Variants in VWA5B1 observed in about 807,000 individuals in gnomAD.
VWA5B1 encodes von Willebrand factor A domain containing 5B1.
In VWA5B1, 115 loss-of-function variants were observed where a neutral mutation model predicts 118.2. The ratio of observed to expected loss-of-function variants is 0.97; its 90% CI spans 0.84 to 1.14. The LOEUF (loss-of-function observed/expected upper bound fraction) is 1.14, where lower values mean the gene tolerates loss of function less well. Among genes scored for constraint, VWA5B1 ranks in the 50% most tolerant of loss-of-function variants. The pLI is 0.00. For synonymous variants in VWA5B1, 682 were observed against 658.4 expected (o/e 1.04, Z -0.55); for missense variants, 1,596 against 1,603.8 (o/e 1.00, Z 0.08).
chr1:20,311,334 A>G (rs927022938), intron 2 of VWA5B1, among the ~76,000 whole-genome samples: 1 of 152,204 alleles, frequency 6.6e-6, no homozygotes, highest in African/African-American at 2.4e-5. Flanking sequence ...CACTTTCTCC[A>G]GGGAGCCTCA....
chr1:20,330,620 G>T (rs1207327420), intron 10 of VWA5B1, among the ~76,000 whole-genome samples: 3 of 152,252 alleles, frequency 2.0e-5, no homozygotes, highest in Non-Finnish European at 4.4e-5. Context: ...CCCAGGGAGA[G>T]GTCCCACAGC....
At chr1:20,298,867 T>C (rs960753109) in intron 1 of VWA5B1, among the ~76,000 whole-genome samples, 1 of 152,116 alleles carries the variant, frequency 6.6e-6, no homozygotes, top group African/African-American at 2.4e-5. Context: ...GCTTTTCTCT[T>C]GCTTCTGTGG....
chr1:20,314,679 G>A, intron 4 of VWA5B1, 87 bp downstream of exon 4: 1 of 1,487,544 alleles, frequency 6.7e-7, no homozygotes, highest in Non-Finnish European at 9.0e-7. Context: ...CAGGGTGGGG[G>A]GAGACAGGGA....
rs1321160143 is a variant in VWA5B1 at position 20,336,566 on chromosome 1, T to C, written c.1942+80T>C. ...AAGCACTTGGTAAAAACCACCTCAT[T>C]GAATAGTTAGCAGCTGCAGAGGTGG... On this transcript the variant is annotated intron_variant, in intron 13 of 21. Transcript: ENST00000289815. 3.1e-6 allele frequency: 4 copies of C among 1,276,232 alleles called. No homozygotes were observed. The African/African-American group carries it at 4.6e-5, about 15-fold the overall frequency. The allele number at this position is 1,276,232 out of a possible 1,614,324, so 79.1% of individuals were successfully genotyped here.
chr1:20,296,566 A>T (rs1052603334), intron 1 of VWA5B1, among the ~76,000 whole-genome samples: 2 of 152,232 alleles, frequency 1.3e-5, no homozygotes, highest in Non-Finnish European at 2.9e-5. Context: ...TGACCTTTTT[A>T]AAAATGTCAT....
intron 21 of VWA5B1, among the ~76,000 whole-genome samples, 190 bp downstream of exon 21, chr1:20,352,362 G>C (rs72982085): frequency 0.036 from 5,479 of 152,212 alleles, 328 homozygotes; most frequent in African/African-American, 0.12. Flanking sequence ...GAGGGAGTTT[G>C]CATGAATCTC....
chr1:20,350,717 C>CA, intron 19 of VWA5B1, 140 bp from the exon 20 acceptor site: 1 of 771,906 alleles, frequency 1.3e-6, no homozygotes, highest in East Asian at 2.7e-5. Flanking sequence ...AGGAGCTCCA[C>CA]AGCCTAATGG....
rs1397538289 is a variant in VWA5B1, at chr1:20,330,721, T to C, written c.1458-148T>C. 5 of 801,236 alleles carry C rather than the reference T, an allele frequency of 6.2e-6. No homozygotes were observed. The Admixed American group carries it at 6.3e-5, about 10-fold the overall frequency. The allele number at this position is 801,236 out of a possible 1,614,324, so 49.6% of individuals were successfully genotyped here. A position where few individuals can be genotyped will look rare whatever the true frequency, so the allele number is the denominator to read the frequency against. On this transcript the variant is annotated intron_variant, in intron 10 of 21. Coordinates refer to ENST00000289815, the MANE Select transcript of VWA5B1 (RefSeq NM_001039500.3). ...TGGGTGTGTATGTGGGTACCCCCGA[T>C]GGCCCCTCTTCCTTCTCCCTCTCCC...
rs772277125 is a variant in VWA5B1, at chr1:20,310,649, C to T, written c.48C>T (p.Thr16=). Residue 16 remains threonine, a synonymous_variant, in exon 2 of 22, where the codon ACC becomes ACT. Transcript: ENST00000289815. ...NWITGAALPL[T]ASDVTSCVSG... ...TCACGGGGGCAGCCCTGCCCCTCAC[C>T]GCGTCTGATGTTACCTCCTGTGTCA... The T allele has an allele frequency of 1.9e-5, 29 of 1,550,538 alleles. No individual in the cohort carries two copies. The highest frequency in any genetic ancestry group is 6.8e-5 in the African/African-American group (5 of 73,014).
chr1:20,351,408 C>T (rs1002689276), intron 20 of VWA5B1, among the ~76,000 whole-genome samples: 2 of 152,030 alleles, frequency 1.3e-5, no homozygotes, highest in Non-Finnish European at 2.9e-5. Context: ...AATCCCAGCA[C>T]TTTGGGAGGC....
chr1:20,307,457 T>C (rs1205364706), intron 1 of VWA5B1, among the ~76,000 whole-genome samples: 1 of 152,182 alleles, frequency 6.6e-6, no homozygotes, highest in African/African-American at 2.4e-5. Context: ...CAAACCCACA[T>C]CCAAAGCCAG....
rs1323728742 is a variant in VWA5B1 at position 20,353,906 on chromosome 1, G to A, written c.3291G>A (p.Pro1097=). The A allele has an allele frequency of 1.7e-5, 27 of 1,548,546 alleles. No homozygotes were observed. Among genetic ancestry groups the A allele is most frequent in the African/African-American group, 1.1e-4 (8 of 73,002 alleles). The change falls in exon 22 of 22, where the codon CCG becomes CCA. Residue 1097 remains proline, a synonymous_variant. Coordinates refer to ENST00000289815, the MANE Select transcript of VWA5B1 (RefSeq NM_001039500.3). ...CCCGCCCGTCTGAGTCCAAGACCCC[G>A]AGTCCCCAGCTGTGCACCAGCTCCC... The part of the protein sequence containing the change: ...LTTRPSESKT[P]SPQLCTSSPP...
rs374389057 is a variant in VWA5B1 at position 20,330,822 on chromosome 1, T to C, written c.1458-47T>C. The C allele has an allele frequency of 1.5e-4, 230 of 1,516,178 alleles. No individual in the cohort carries two copies. In the African/African-American group the frequency reaches 3.0e-3, roughly 20 times the overall value. The allele number at this position is 1,516,178 out of a possible 1,614,324, so 93.9% of individuals were successfully genotyped here. On this transcript the variant is annotated intron_variant, in intron 10 of 21. Transcript: ENST00000289815. ...CCCTTTCTGCATCAGGAGGCAAAGA[T>C]GCAGAGAGGATAAGACATAGCAGCC...
At chr1:20,318,534 C>A (rs1262390266) in intron 5 of VWA5B1, 56 bp from the exon 6 acceptor site, 25 of 1,547,336 alleles carry the variant, frequency 1.6e-5, no homozygotes, top group Non-Finnish European at 2.1e-5. Context: ...CCAGCGAACT[C>A]CTCTCTCTCC....
At position 20,358,586 on chromosome 1, in the gene VWA5B1, C is replaced by T. The variant is rs1289786872; in HGVS notation, c.*4323C>T. The stretch of plus-strand genomic sequence containing the variant: ...TCAGGGGTCCAAATGCCCAAATGCA[C>T]ATCTCTCTATGTGCCCATTATAACA... On this transcript the variant is annotated 3_prime_UTR_variant, in exon 22 of 22. Transcript: ENST00000289815. Among the ~76,000 whole-genome samples the T allele has an allele frequency of 6.6e-6, 1 of 152,180 alleles. No individual in the cohort carries two copies. Among genetic ancestry groups the T allele is most frequent in the Non-Finnish European group, 1.5e-5 (1 of 68,022 alleles).
chr1:20,294,548 C>T (rs993113209), intron 1 of VWA5B1, among the ~76,000 whole-genome samples: 11 of 152,290 alleles, frequency 7.2e-5, no homozygotes, highest in Admixed American at 5.9e-4. Context: ...GGCATAATCT[C>T]GGCTCACCGC....
intron 8 of VWA5B1, among the ~76,000 whole-genome samples, chr1:20,326,063 A>T (rs1237830968): frequency 6.6e-6 from 1 of 152,256 alleles, no homozygotes; most frequent in African/African-American, 2.4e-5. Context: ...GACAATCTGT[A>T]TGGATCAGCA....
At position 20,342,569 on chromosome 1, in the gene VWA5B1, G is replaced by T; in HGVS notation, c.2271G>T (p.Val757=). The change falls in exon 15 of 22, where the codon GTG becomes GTT. Residue 757 remains valine (V), a synonymous_variant. Transcript: ENST00000289815. The stretch of plus-strand genomic sequence containing the variant: ...AGGAGACCCAGGCCTGGAGCCCTGT[G>T]AGAGAGCGGACTTCTGACAGCCGAA... ...WGQETQAWSP[V]RERTSDSRSP... The T allele has an allele frequency of 1.3e-6, 2 of 1,522,886 alleles. No homozygotes were observed. The highest frequency in any genetic ancestry group is 1.8e-6 in the Non-Finnish European group (2 of 1,135,562). 94.3% of individuals were successfully genotyped at this position (1,522,886 alleles called of 1,614,324 possible).
At chr1:20,318,179 C>A (rs1481304089) in intron 5 of VWA5B1, among the ~76,000 whole-genome samples, 1 of 151,754 alleles carries the variant, frequency 6.6e-6, no homozygotes, top group Non-Finnish European at 1.5e-5. Context: ...TAAAAGGACA[C>A]TAGGATATGG....
Sources: gnomAD v4.1 joint callset for allele counts (sites outside exome capture counted in the v4.1 genomes callset) on GRCh38, gnomAD v4.1.1 for gene constraint, MANE v1.5 for transcripts, NCBI Gene and HGNC (gene_info 2026-07-23, HGNC 2026-07-21) for gene names.